SNX27: variants seen among roughly 807,000 people sequenced by gnomAD.
The protein encoded by SNX27 is sorting nexin-27.
Under a neutral mutation model 71.6 loss-of-function variants are expected in SNX27, and 22 were observed. The observed-to-expected ratio is 0.31, with a 90% CI of 0.22 to 0.44. The LOEUF (loss-of-function observed/expected upper bound fraction) is 0.44, where lower values mean the gene tolerates loss of function less well. Among genes scored for constraint, SNX27 ranks in the 20% least tolerant of loss-of-function variants. The pLI is 1.00. For missense variants in SNX27, 531 were observed against 698.6 expected (o/e 0.76, Z 2.70); for synonymous variants, 269 against 277.2 (o/e 0.97, Z 0.29).
chr1:151,674,851 T>TA (rs1436438966), intron 7 of SNX27, among the ~76,000 whole-genome samples: 1 of 152,046 alleles, frequency 6.6e-6, no homozygotes. Context: ...CACACCCAGC[T>TA]AATTTTTGTA....
intron 1 of SNX27, among the ~76,000 whole-genome samples, chr1:151,623,320 T>C (rs1667764866): frequency 6.6e-6 from 1 of 152,192 alleles, no homozygotes; most frequent in South Asian, 2.1e-4. Context: ...TTTTGTATTT[T>C]TAGTAGAGAC....
intron 7 of SNX27, among the ~76,000 whole-genome samples, chr1:151,672,724 T>G (rs913117980): frequency 3.9e-5 from 6 of 152,250 alleles, no homozygotes; most frequent in African/African-American, 1.4e-4. Flanking sequence ...CTTTGTAGGT[T>G]GTATATGTCT....
At chr1:151,617,878 GTTTTTTTTTTT>G (rs35075644) in intron 1 of SNX27, among the ~76,000 whole-genome samples, 1 of 116,388 alleles carries the variant, frequency 8.6e-6, no homozygotes, top group African/African-American at 3.1e-5. Flanking sequence ...TTTTAGAGCT[GTTTTTTTTTTT>G]TTTTTTTTTT....
intron 1 of SNX27, among the ~76,000 whole-genome samples, chr1:151,623,488 C>T (rs936569204): frequency 4.7e-4 from 71 of 152,014 alleles, no homozygotes; most frequent in Non-Finnish European, 7.9e-4. Flanking sequence ...CTGGTCTTCT[C>T]CTGACCTCAG....
chr1:151,652,927 CTTTT>C (rs34826631), intron 2 of SNX27, among the ~76,000 whole-genome samples: 8 of 109,470 alleles, frequency 7.3e-5, no homozygotes, highest in Admixed American at 9.5e-5. Context: ...TGTTGGGTTT[CTTTT>C]TTTTTTTTTT....
chr1:151,629,878 C>T (rs1668134631), intron 1 of SNX27, among the ~76,000 whole-genome samples: 1 of 151,746 alleles, frequency 6.6e-6, no homozygotes, highest in Non-Finnish European at 1.5e-5. Context: ...TGTGCCCGGC[C>T]ACTGTTCCAT....
intron 11 of SNX27, chr1:151,693,806 C>T: frequency 1.4e-6 from 2 of 1,447,866 alleles, no homozygotes; most frequent in Non-Finnish European, 1.8e-6. Context: ...TGTTCCTGAC[C>T]CACAGGGGAA....
At position 151,695,491 on chromosome 1, in the gene SNX27, G is replaced by C. The variant is rs1671662360; in HGVS notation, c.*1074G>C. The C allele has an allele frequency of 7.5e-6, 1 of 132,686 alleles. No homozygotes were observed. Among genetic ancestry groups the C allele is most frequent in the South Asian group, 2.7e-4 (1 of 3,722 alleles). The allele number at this position is 132,686 out of a possible 1,614,324, so 8.2% of individuals were successfully genotyped here. A position where few individuals can be genotyped will look rare whatever the true frequency, so the allele number is the denominator to read the frequency against. ...ACTGGAATGTGGTGGCATGAACATA[G>C]CTCACTGTTACCTTGAATTCTGGGC... is the stretch of plus-strand genomic sequence containing the variant. On this transcript the variant is annotated 3_prime_UTR_variant, in exon 12 of 12. Transcript: ENST00000458013.
At chr1:151,690,029 A>G (rs542368604) in intron 8 of SNX27, among the ~76,000 whole-genome samples, 17 of 152,032 alleles carry the variant, frequency 1.1e-4, no homozygotes, top group Non-Finnish European at 2.1e-4. Context: ...TTGTATTTTT[A>G]GTAAAAATGG....
Position 151,652,028 on chromosome 1 carries a change from C to T in SNX27, c.544-6207C>T, listed in dbSNP as rs532002891. 7.4e-3 allele frequency among the ~76,000 whole-genome samples: 1,129 copies of T among 152,290 alleles called. 17 individuals carry two copies. The highest frequency in any genetic ancestry group is 0.026 in the African/African-American group (1,077 of 41,564). ...CAGCTCGGCCAACACAGCGAAACCC[C>T]GTCTCCACCAAAACCAGTCAGGTGT... On this transcript the variant is annotated intron_variant, in intron 2 of 11. Transcript: ENST00000458013.
At position 151,658,292 on chromosome 1, in the gene SNX27, G is replaced by T. The variant is rs753876317; in HGVS notation, c.601G>T (p.Ala201Ser). 6.2e-7 allele frequency: 1 copy of T among 1,614,114 alleles called. No individual in the cohort carries two copies. Among genetic ancestry groups the T allele is most frequent in the South Asian group, 1.1e-5 (1 of 91,078 alleles). ...QLCSKRYREF[A>S]ILHQNLKREF... The stretch of plus-strand genomic sequence containing the variant: ...GTGTTCTAAGCGGTACCGGGAGTTT[G>T]CTATCCTACACCAGAACCTGAAGAG... Residue 201 changes from alanine to serine, a missense_variant, in exon 3 of 12, where the codon GCT (alanine) becomes TCT (serine). Physicochemically the swap from Ala to Ser is moderately conservative, Grantham distance 99. Coordinates refer to ENST00000458013, the MANE Select transcript of SNX27 (RefSeq NM_001330723.2).
chr1:151,675,829 T>C (rs1670670691), intron 7 of SNX27: 1 of 109,658 alleles, frequency 9.1e-6, no homozygotes, highest in African/African-American at 3.5e-5. Context: ...TTTTTTTTTT[T>C]TTTTTTTTTT....
chr1:151,694,643 A>AG lies in SNX27; in HGVS notation c.*228dup. 2 of 462,064 alleles carry AG rather than the reference A, an allele frequency of 4.3e-6. No homozygotes were observed. Among genetic ancestry groups the AG allele is most frequent in the Non-Finnish European group, 3.8e-6 (1 of 265,980 alleles). The allele number at this position is 462,064 out of a possible 1,614,324, so 28.6% of individuals were successfully genotyped here. ...TCAGCACCAGAAGTCAACTGAGTTA[A>AG]GGCAGGAAAAGAAATAAGCCCAACC... On this transcript the variant is annotated 3_prime_UTR_variant, in exon 12 of 12. Transcript: ENST00000458013.
At chr1:151,645,679 T>C (rs893530846) in intron 2 of SNX27, among the ~76,000 whole-genome samples, 3 of 152,250 alleles carry the variant, frequency 2.0e-5, no homozygotes, top group East Asian at 3.8e-4. Context: ...GTAGCAGCCA[T>C]GGTTACCTAG....
At chr1:151,666,168 A>G in intron 6 of SNX27, 157 bp downstream of exon 6, 2 of 440,644 alleles carry the variant, frequency 4.5e-6, no homozygotes, top group South Asian at 6.4e-5. Flanking sequence ...GGTCATAAGC[A>G]TGTCTGATCA....
intron 2 of SNX27, 66 bp from the exon 3 acceptor site, chr1:151,658,169 G>T: frequency 1.4e-6 from 2 of 1,453,078 alleles, no homozygotes; most frequent in South Asian, 2.6e-5. Context: ...ATCTAAGCCT[G>T]ACTAGATGAT....
chr1:151,643,317 C>T (rs112794831), intron 2 of SNX27, among the ~76,000 whole-genome samples: 12 of 127,406 alleles, frequency 9.4e-5, no homozygotes, highest in East Asian at 2.3e-4. Context: ...TATTTTGAGA[C>T]GGAGTCTCCC....
Position 151,644,859 on chromosome 1 carries a change from C to T in SNX27, c.543+5740C>T, listed in dbSNP as rs368422176. On this transcript the variant is annotated intron_variant, in intron 2 of 11. Coordinates refer to ENST00000458013, the MANE Select transcript of SNX27 (RefSeq NM_001330723.2). ...TGTCAGCTAGGCTGGAGTGCAGTGG[C>T]GCAATATTGGCCCACTGCAGCCTCT... 4.4e-3 allele frequency among the ~76,000 whole-genome samples: 665 copies of T among 152,036 alleles called. 6 individuals are homozygous for T. Among genetic ancestry groups the T allele is most frequent in the Middle Eastern group, 0.017 (5 of 292 alleles).
At chr1:151,692,769 T>C (rs1671516532) in intron 9 of SNX27, 142 bp from the exon 10 acceptor site, 14 of 1,377,154 alleles carry the variant, frequency 1.0e-5, no homozygotes, top group Non-Finnish European at 1.4e-5. Flanking sequence ...CTGATTTGTA[T>C]TCTTCTATCA....
Sources: gnomAD v4.1 joint callset for allele counts (sites outside exome capture counted in the v4.1 genomes callset) on GRCh38, gnomAD v4.1.1 for gene constraint, MANE v1.5 for transcripts, NCBI Gene and HGNC (gene_info 2026-07-23, HGNC 2026-07-21) for gene names.